Variants in DLG2 observed in about 807,000 individuals in gnomAD.
DLG2 encodes the protein discs large MAGUK scaffold protein 2.
A neutral mutation model predicts 132.5 loss-of-function variants in DLG2; 45 were observed. The observed-to-expected ratio is 0.34, with a 90% CI of 0.27 to 0.44. The LOEUF (loss-of-function observed/expected upper bound fraction) is 0.44, where lower values mean the gene tolerates loss of function less well. Ranked by LOEUF, DLG2 falls within the 20% of genes least tolerant of loss-of-function variation. The pLI, the probability that DLG2 is intolerant of heterozygous loss-of-function variation, is 1.00. For synonymous variants in DLG2, 424 were observed against 419.6 expected, an observed-to-expected ratio of 1.01 and a Z score of -0.13; for missense variants, 1,045 against 1,196.9, an observed-to-expected ratio of 0.87 and a Z score of 1.87.
intron 7 of DLG2, among the ~76,000 whole-genome samples, chr11:84,398,112 C>T (rs1261325784): frequency 6.6e-6 from 1 of 152,176 alleles, no homozygotes; most frequent in Admixed American, 6.5e-5. Context: ...TGTACTTTTG[C>T]TACAATTCTT....
chr11:84,601,956 T>C (rs1441550922), intron 6 of DLG2, among the ~76,000 whole-genome samples: 1 of 152,032 alleles, frequency 6.6e-6, no homozygotes, highest in Non-Finnish European at 1.5e-5. Flanking sequence ...GGGGTCTCAG[T>C]TTACCCTTTT....
chr11:85,407,091 G>C (rs1354524130), intron 3 of DLG2, among the ~76,000 whole-genome samples: 1 of 151,798 alleles, frequency 6.6e-6, no homozygotes, highest in African/African-American at 2.4e-5. Context: ...TGACCAGTAT[G>C]CCTAGATTAG....
intron 7 of DLG2, among the ~76,000 whole-genome samples, chr11:84,490,538 C>A (rs185458475): frequency 2.0e-5 from 3 of 150,528 alleles, no homozygotes; most frequent in Non-Finnish European, 4.4e-5. Flanking sequence ...TGACTCTCAG[C>A]GGAGATTTAA....
At chr11:83,660,903 C>G (rs569139564) in intron 18 of DLG2, among the ~76,000 whole-genome samples, 10 of 152,108 alleles carry the variant, frequency 6.6e-5, no homozygotes, top group Non-Finnish European at 1.2e-4. Flanking sequence ...TGACTCCCCC[C>G]ATAATAATAA....
At chr11:84,591,843 G>A (rs1172016963) in intron 6 of DLG2, among the ~76,000 whole-genome samples, 2 of 151,840 alleles carry the variant, frequency 1.3e-5, no homozygotes, top group Non-Finnish European at 2.9e-5. Context: ...AAGGAGCAGG[G>A]ATTTTATTAT....
At chr11:84,276,011 G>A (rs1017719724) in intron 7 of DLG2, among the ~76,000 whole-genome samples, 7 of 152,066 alleles carry the variant, frequency 4.6e-5, no homozygotes, top group African/African-American at 1.4e-4. Context: ...GAAGAAATGT[G>A]ACACCAAGAA....
At chr11:84,599,042 C>T (rs571704520) in intron 6 of DLG2, among the ~76,000 whole-genome samples, 30 of 151,520 alleles carry the variant, frequency 2.0e-4, no homozygotes, top group African/African-American at 6.1e-4. Flanking sequence ...GTCAGGAGTT[C>T]GAGACCAGCC....
At chr11:84,042,993 CATT>C (rs1197881807) in intron 11 of DLG2, among the ~76,000 whole-genome samples, 7 of 151,634 alleles carry the variant, frequency 4.6e-5, no homozygotes, top group Admixed American at 6.6e-5. Context: ...TACTTTCTGT[CATT>C]ATATTTTTTA....
intron 7 of DLG2, among the ~76,000 whole-genome samples, chr11:84,294,781 T>G (rs1326509061): frequency 6.6e-6 from 1 of 152,148 alleles, no homozygotes; most frequent in Non-Finnish European, 1.5e-5. Context: ...CACACTGGGC[T>G]CTGAGCTTGG....
In DLG2 at chr11:84,903,341, A is replaced by C. The variant is rs1011445372; in HGVS notation, c.357+208320T>G. Among the ~76,000 whole-genome samples, 26 of 152,182 alleles carry C rather than the reference A, an allele frequency of 1.7e-4. 1 individual carries two copies. Among genetic ancestry groups the C allele is most frequent in the Non-Finnish European group, 5.9e-5 (4 of 68,020 alleles). On this transcript the variant is annotated intron_variant, in intron 6 of 27. Transcript: ENST00000376104. ...TTTCATGCCTTATGTTTTAACTAACAGATATCTCCTACCTCCTACTAATTC... is the reference window on the plus strand; with the variant it reads ...TTTCATGCCTTATGTTTTAACTAACCGATATCTCCTACCTCCTACTAATTC...
intron 4 of DLG2, among the ~76,000 whole-genome samples, chr11:85,236,996 T>A (rs141113517): frequency 6.6e-6 from 1 of 152,084 alleles, no homozygotes; most frequent in Non-Finnish European, 1.5e-5. Context: ...ACAAACTACA[T>A]GTCTATGTGT....
At chr11:84,867,125 G>C (rs2084689768) in intron 6 of DLG2, among the ~76,000 whole-genome samples, 1 of 152,184 alleles carries the variant, frequency 6.6e-6, no homozygotes, top group South Asian at 2.1e-4. Context: ...GGGAGCTAGG[G>C]ATTCAAAGAT....
At chr11:84,466,088 G>A (rs2099093649) in intron 7 of DLG2, among the ~76,000 whole-genome samples, 1 of 151,044 alleles carries the variant, frequency 6.6e-6, no homozygotes, top group Admixed American at 6.6e-5. Flanking sequence ...ATAAAAAAAG[G>A]AATTTTTAAA....
At chr11:84,040,051 A>G (rs2096016149) in intron 11 of DLG2, among the ~76,000 whole-genome samples, 4 of 151,892 alleles carry the variant, frequency 2.6e-5, no homozygotes, top group African/African-American at 9.7e-5. Flanking sequence ...TCCTTCGCCC[A>G]CTTTTTGATA....
At chr11:84,366,543 C>G (rs1054446360) in intron 7 of DLG2, among the ~76,000 whole-genome samples, 42 of 152,104 alleles carry the variant, frequency 2.8e-4, no homozygotes, top group African/African-American at 1.0e-3. Flanking sequence ...CAAGACCCAT[C>G]AGTGTGTTGT....
intron 4 of DLG2, among the ~76,000 whole-genome samples, chr11:85,179,800 A>G (rs1274446605): frequency 6.6e-6 from 1 of 152,048 alleles, no homozygotes; most frequent in Non-Finnish European, 1.5e-5. Flanking sequence ...TGAACAACAT[A>G]AATGTTAATA....
intron 7 of DLG2, among the ~76,000 whole-genome samples, chr11:84,420,764 G>C (rs767538461): frequency 3.4e-4 from 46 of 136,284 alleles, no homozygotes; most frequent in Non-Finnish European, 5.7e-4. Flanking sequence ...CGCCTCCCGG[G>C]TTCACGCCAT....
intron 6 of DLG2, among the ~76,000 whole-genome samples, chr11:84,759,076 C>T (rs1004914982): frequency 2.6e-5 from 4 of 152,046 alleles, no homozygotes; most frequent in Non-Finnish European, 5.9e-5. Context: ...TGGGGCTTTG[C>T]CATGTTGTCC....
chr11:84,987,192 T>C (rs1304605087), intron 6 of DLG2, among the ~76,000 whole-genome samples: 1 of 152,032 alleles, frequency 6.6e-6, no homozygotes, highest in East Asian at 1.9e-4. Flanking sequence ...TACTTAGGAA[T>C]ATACCTAACC....
Sources: gnomAD v4.1 joint callset for allele counts (sites outside exome capture counted in the v4.1 genomes callset) on GRCh38, gnomAD v4.1.1 for gene constraint, MANE v1.5 for transcripts, NCBI Gene and HGNC (gene_info 2026-07-23, HGNC 2026-07-21) for gene names.